Variants in AMPH observed in about 807,000 individuals in gnomAD.
AMPH encodes the protein amphiphysin (Stiff-Mann syndrome with breast cancer 128kD autoantigen).
AMPH carries 49 observed loss-of-function variants against 99.1 expected under a neutral mutation model. The observed-to-expected ratio is 0.49, with a 90% confidence interval of 0.39 to 0.63. The LOEUF (loss-of-function observed/expected upper bound fraction) is 0.63, where lower values mean the gene tolerates loss of function less well. AMPH is among the 20% of genes least tolerant of loss of function. AMPH has a pLI of 0.00. For missense variants in AMPH, 759 were observed against 863.4 expected (o/e 0.88, Z 1.52); for synonymous variants, 314 against 317.3 (o/e 0.99, Z 0.11).
chr7:38,423,046 G>C (rs951067081), intron 15 of AMPH, among the ~76,000 whole-genome samples: 4 of 152,192 alleles, frequency 2.6e-5, no homozygotes, highest in Non-Finnish European at 4.4e-5. Context: ...AATACTATGA[G>C]AGTCATTAAA....
chr7:38,619,377 T>C (rs1336579209), intron 1 of AMPH, among the ~76,000 whole-genome samples: 2 of 152,028 alleles, frequency 1.3e-5, no homozygotes, highest in African/African-American at 4.8e-5. Flanking sequence ...ATGCACCTAA[T>C]AAAAGAGCAC....
chr7:38,410,457 A>T (rs1785181196), intron 17 of AMPH, among the ~76,000 whole-genome samples: 1 of 152,214 alleles, frequency 6.6e-6, no homozygotes, highest in Admixed American at 6.5e-5. Flanking sequence ...CTGAGTTCAC[A>T]GCCTTTGAAC....
At chr7:38,561,490 C>T (rs757539879) in intron 1 of AMPH, among the ~76,000 whole-genome samples, 11 of 152,126 alleles carry the variant, frequency 7.2e-5, no homozygotes, top group Admixed American at 1.3e-4. Context: ...AGAAAGAGGG[C>T]GAAATGCTGG....
chr7:38,558,593 G>A lies in AMPH; in HGVS notation c.70-23582C>T, dbSNP rs571618466. Among the ~76,000 whole-genome samples the A allele has an allele frequency of 7.2e-5, 11 of 152,336 alleles. No individual in the cohort carries two copies. The South Asian group carries it at 1.4e-3, about 20-fold the overall frequency. ...AGGAATAATGATGGGAAGGAGGGAG[G>A]AGGTGGTTAGTAAACACCTGGTTAA... On this transcript the variant is annotated intron_variant, in intron 1 of 20. Transcript: ENST00000356264.
intron 1 of AMPH, among the ~76,000 whole-genome samples, chr7:38,623,794 C>T (rs542107674): frequency 3.0e-4 from 46 of 152,274 alleles, no homozygotes; most frequent in African/African-American, 9.4e-4. Context: ...ATGCAGGCAT[C>T]GGCAAAGCGA....
Position 38,572,034 on chromosome 7 carries a change from T to C in AMPH, c.70-37023A>G, listed in dbSNP as rs1584260731. On this transcript the variant is annotated intron_variant, in intron 1 of 20. Transcript: ENST00000356264. Reference sequence around the variant, plus strand: ...GATTCTCCTGCCTCAGCCTCCCAAGTAGCTGGGATTACAGGCATGTGCCAC... The same window carrying C: ...GATTCTCCTGCCTCAGCCTCCCAAGCAGCTGGGATTACAGGCATGTGCCAC... Among the ~76,000 whole-genome samples the C allele has an allele frequency of 5.9e-5, 9 of 152,098 alleles. No individual in the cohort carries two copies. The South Asian group carries it at 1.9e-3, about 32-fold the overall frequency.
At chr7:38,552,721 C>A (rs1367295339) in intron 1 of AMPH, among the ~76,000 whole-genome samples, 1 of 152,198 alleles carries the variant, frequency 6.6e-6, no homozygotes. Context: ...ATCAGCCAGG[C>A]TCAAATAAGG....
intron 1 of AMPH, among the ~76,000 whole-genome samples, chr7:38,550,017 G>GAATGTTGT (rs1421236445): frequency 6.6e-6 from 1 of 152,192 alleles, no homozygotes; most frequent in African/African-American, 2.4e-5. Flanking sequence ...AACATTGAAA[G>GAATGTTGT]AATGTTGTTG....
chr7:38,599,681 C>T (rs976197242), intron 1 of AMPH, among the ~76,000 whole-genome samples: 8 of 152,094 alleles, frequency 5.3e-5, no homozygotes, highest in Admixed American at 4.6e-4. Flanking sequence ...CTACATATTA[C>T]ATCTACATAA....
chr7:38,435,063 C>T (rs1242320751), intron 12 of AMPH, among the ~76,000 whole-genome samples: 1 of 152,182 alleles, frequency 6.6e-6, no homozygotes, highest in African/African-American at 2.4e-5. Flanking sequence ...AACTTCTCAG[C>T]CTTTAATATT....
At chr7:38,427,080 C>T (rs953895797) in intron 14 of AMPH, 94 bp from the exon 15 acceptor site, 3 of 1,148,516 alleles carry the variant, frequency 2.6e-6, no homozygotes, top group Non-Finnish European at 3.9e-6. Flanking sequence ...AAAGTAAAGA[C>T]TATCACAAGT....
chr7:38,418,123 A>G (rs1584062659), intron 16 of AMPH, 173 bp from the exon 17 acceptor site: 1 of 558,778 alleles, frequency 1.8e-6, no homozygotes, highest in East Asian at 3.5e-5. Flanking sequence ...AGAGAATGGA[A>G]AAGACTAGAA....
At chr7:38,491,630 G>A (rs911857441) in intron 4 of AMPH, among the ~76,000 whole-genome samples, 1 of 152,256 alleles carries the variant, frequency 6.6e-6, no homozygotes. Context: ...TATGTTAAAC[G>A]TACAATGAAT....
intron 1 of AMPH, among the ~76,000 whole-genome samples, chr7:38,540,261 T>G (rs1027177878): frequency 6.6e-6 from 1 of 152,222 alleles, no homozygotes; most frequent in South Asian, 2.1e-4. Context: ...AGTAAGATTT[T>G]TGTTGTTACT....
At chr7:38,623,417 T>C (rs922175937) in intron 1 of AMPH, among the ~76,000 whole-genome samples, 1 of 152,166 alleles carries the variant, frequency 6.6e-6, no homozygotes, top group Non-Finnish European at 1.5e-5. Context: ...TTTGCATTAA[T>C]AAAAAAGGCA....
chr7:38,481,627 A>G (rs926272960), intron 5 of AMPH, among the ~76,000 whole-genome samples: 1 of 152,164 alleles, frequency 6.6e-6, no homozygotes, highest in African/African-American at 2.4e-5. Flanking sequence ...AACAGAAACC[A>G]TAACGCAGGG....
intron 1 of AMPH, among the ~76,000 whole-genome samples, chr7:38,597,933 C>A (rs1004700096): frequency 6.6e-5 from 10 of 152,174 alleles, no homozygotes; most frequent in Non-Finnish European, 1.2e-4. Context: ...ATGTGCCCAC[C>A]CTTATCCTCT....
Position 38,422,466 on chromosome 7 carries a change from A to G in AMPH, c.1227T>C (p.Thr409=), listed in dbSNP as rs780098833. ...GGTCTGTCTGCATTGTGAATAATGA[A>G]GTATCCTGGGGCTGAAAATCAAGGA... is the stretch of plus-strand genomic sequence containing the variant. ...SFNGFTQPQD[T]SLFTMQTDQS... Residue 409 remains threonine, a synonymous_variant, in exon 16 of 21, where the codon ACT becomes ACC. Transcript: ENST00000356264. 3.3e-5 allele frequency: 54 copies of G among 1,613,272 alleles called. No individual in the cohort carries two copies. The highest frequency in any genetic ancestry group is 4.2e-5 in the Non-Finnish European group (50 of 1,179,516).
At chr7:38,502,166 A>T (rs758809888) in intron 3 of AMPH, among the ~76,000 whole-genome samples, 1 of 152,176 alleles carries the variant, frequency 6.6e-6, no homozygotes, top group East Asian at 1.9e-4. Context: ...TAAAAAACAT[A>T]TTAAGTTTTA....
Sources: gnomAD v4.1 joint callset for allele counts (sites outside exome capture counted in the v4.1 genomes callset) on GRCh38, gnomAD v4.1.1 for gene constraint, MANE v1.5 for transcripts, NCBI Gene and HGNC (gene_info 2026-07-23, HGNC 2026-07-21) for gene names.